The following FGFR4 variants were observed in gnomAD, a reference collection of about 807,000 sequenced individuals.
The protein encoded by FGFR4 is fibroblast growth factor receptor 4.
In FGFR4, 63 loss-of-function variants were observed where a neutral mutation model predicts 89.9. The ratio of observed to expected loss-of-function variants is 0.70; its 90% CI spans 0.57 to 0.86. FGFR4 has a LOEUF of 0.86. FGFR4 is among the 40% of genes least tolerant of loss of function. The pLI is 0.00. For synonymous variants in FGFR4, 486 were observed against 479.4 expected, an observed-to-expected ratio of 1.01 and a Z score of -0.18; for missense variants, 928 against 1,106.7, an observed-to-expected ratio of 0.84 and a Z score of 2.29.
chr5:177,096,905 T>TCCTCCTCCTCCTCCTCCTCCTCCTCCTCC (rs1784597476), intron 16 of FGFR4, among the ~76,000 whole-genome samples, 164 bp downstream of exon 16: 1 of 15,488 alleles, frequency 6.5e-5, no homozygotes, highest in African/African-American at 2.7e-4. Context: ...CCTCCTCCTC[T>TCCTCCTCCTCCTCCTCCTCCTCCTCCTCC]TCCTCCTCCT....
chr5:177,091,284 G>T (rs1232013051), intron 5 of FGFR4, among the ~76,000 whole-genome samples, 180 bp downstream of exon 5: 2 of 152,232 alleles, frequency 1.3e-5, no homozygotes, highest in Non-Finnish European at 2.9e-5. Context: ...TCTCTGGCAA[G>T]TGACTTAACC....
At position 177,090,532 on chromosome 5, in the gene FGFR4, T is replaced by A; in HGVS notation, c.234T>A (p.Arg78=). The change falls in exon 3 of 18, where the codon CGT becomes CGA. Residue 78 remains arginine, a synonymous_variant. Transcript: ENST00000292408. ...KEGSRLAPAG[R]VRGWRGRLEI... is the part of the protein sequence containing the mutation. ...GCAGTCGCCTGGCACCTGCTGGCCG[T>A]GTACGGGGCTGGAGGGGCCGCCTAG... is the stretch of plus-strand genomic sequence containing the variant. 1 of 1,552,372 alleles carries A rather than the reference T, an allele frequency of 6.4e-7. No individual in the cohort carries two copies. Among genetic ancestry groups the A allele is most frequent in the South Asian group, 1.3e-5 (1 of 79,854 alleles).
intron 1 of FGFR4, among the ~76,000 whole-genome samples, chr5:177,089,338 C>A (rs965100673): frequency 5.3e-5 from 8 of 152,152 alleles, no homozygotes; most frequent in African/African-American, 1.9e-4. Context: ...GAGCAGGAAG[C>A]CCAGCCCAGA....
rs200835456 is a variant in FGFR4, at chr5:177,093,568, G to A, written c.1397+17G>A. On this transcript the variant is annotated intron_variant, in intron 10 of 17. Coordinates refer to ENST00000292408, the MANE Select transcript of FGFR4 (RefSeq NM_213647.3). This position sits in a 1 kb window ranked among gnomAD's most constrained non-coding sequence, Gnocchi z 5.8. ...CCGGGACAGGTGCGCTGAGCTGTGT[G>A]GGGGCAGGGACGCGGGCGCCGGGTT... 2.5e-6 allele frequency: 4 copies of A among 1,612,548 alleles called. No individual in the cohort carries two copies. Among genetic ancestry groups the A allele is most frequent in the African/African-American group, 2.7e-5 (2 of 74,918 alleles).
Position 177,092,694 on chromosome 5 carries a change from G to T in FGFR4, c.967G>T (p.Val323Leu). Reference sequence around the variant, plus strand: ...GGTGGAGGTCCTGTACCTGCGGAACGTGTCAGCCGAGGACGCAGGCGAGTA... The same window carrying T: ...GGTGGAGGTCCTGTACCTGCGGAACTTGTCAGCCGAGGACGCAGGCGAGTA... ...SEVEVLYLRN[V>L]SAEDAGEYTC... Residue 323 changes from valine to leucine, a missense_variant, in exon 8 of 18, where the codon GTG (valine) becomes TTG (leucine). By Grantham distance (32) the Val-to-Leu change is conservative (BLOSUM62 1). Transcript: ENST00000292408. The T allele has an allele frequency of 1.2e-6, 2 of 1,613,994 alleles. No homozygotes were observed.
intron 1 of FGFR4, among the ~76,000 whole-genome samples, chr5:177,088,812 C>G (rs1003074764): frequency 1.3e-5 from 2 of 151,656 alleles, no homozygotes; most frequent in African/African-American, 4.8e-5. Flanking sequence ...TTCCAACACT[C>G]TGCGTGCCGA....
chr5:177,092,492 C>T lies in FGFR4; in HGVS notation c.899C>T (p.Pro300Leu). ...NGSSFGADGF[P>L]YVQVLKTADI... is the part of the protein sequence containing the mutation. Reference sequence around the variant, plus strand: ...AGCAGCTTCGGAGCCGACGGTTTCCCCTATGTGCAAGTCCTAAAGGTAAAA... The same window carrying T: ...AGCAGCTTCGGAGCCGACGGTTTCCTCTATGTGCAAGTCCTAAAGGTAAAA... The change falls in exon 7 of 18, where the codon CCC (proline) becomes CTC (leucine). Residue 300 changes from proline to leucine, a missense_variant. This residue lies in a region of FGFR4 where 741 missense variants were observed against 836.9 expected (regional missense o/e 0.89). Coordinates refer to ENST00000292408, the MANE Select transcript of FGFR4 (RefSeq NM_213647.3). 4 of 1,589,868 alleles carry T rather than the reference C, an allele frequency of 2.5e-6. No homozygotes were observed. The highest frequency in any genetic ancestry group is 2.6e-6 in the Non-Finnish European group (3 of 1,167,618).
chr5:177,092,188 C>T, intron 6 of FGFR4, 133 bp from the exon 7 acceptor site: 1 of 932,730 alleles, frequency 1.1e-6, no homozygotes, highest in East Asian at 2.7e-5. Context: ...AAGGTTTAAG[C>T]AGGGTAAGCA....
chr5:177,097,665 G>A lies in FGFR4; in HGVS notation c.2398G>A (p.Val800Met). The change falls in exon 18 of 18, where the codon GTG (valine) becomes ATG (methionine). Residue 800 changes from valine to methionine, a missense_variant. Val to Met is a conservative substitution (Grantham distance 21). Coordinates refer to ENST00000292408, the MANE Select transcript of FGFR4 (RefSeq NM_213647.3). ...CAGCTCCTTCCCCTTCGGGTCTGGG[G>A]TGCAGACATGAGCAAGGCTCAAGGC... is the stretch of plus-strand genomic sequence containing the variant. ...GSSSFPFGSG[V>M]QT 2 of 1,613,810 alleles carry A rather than the reference G, an allele frequency of 1.2e-6. No homozygotes were observed. Among genetic ancestry groups the A allele is most frequent in the Non-Finnish European group, 1.7e-6 (2 of 1,179,792 alleles).
At chr5:177,089,885 G>A (rs1378299045) in intron 2 of FGFR4, 192 bp downstream of exon 2, 22 of 811,162 alleles carry the variant, frequency 2.7e-5, no homozygotes, top group Non-Finnish European at 4.5e-5. Context: ...CTGTGTCTGC[G>A]AGAGAGGACT....
chr5:177,089,953 C>A (rs117734148), intron 2 of FGFR4: 2 of 686,158 alleles, frequency 2.9e-6, no homozygotes, highest in Middle Eastern at 2.4e-4. Context: ...GAGCTCCTTA[C>A]CTGGGTGTGT....
At chr5:177,089,921 G>A in intron 2 of FGFR4, 2 of 718,872 alleles carry the variant, frequency 2.8e-6, no homozygotes. Context: ...AGGGCCCTAA[G>A]CTGGGCTGCA....
Position 177,095,975 on chromosome 5 carries a change from T to C in FGFR4, c.1822-82T>C. 1 of 1,530,010 alleles carries C rather than the reference T, an allele frequency of 6.5e-7. No homozygotes were observed. Among genetic ancestry groups the C allele is most frequent in the East Asian group, 2.3e-5 (1 of 43,288 alleles). The allele number at this position is 1,530,010 out of a possible 1,614,324, so 94.8% of individuals were successfully genotyped here. A position where few individuals can be genotyped will look rare whatever the true frequency, so the allele number is the denominator to read the frequency against. On this transcript the variant is annotated intron_variant, in intron 13 of 17. Coordinates refer to ENST00000292408, the MANE Select transcript of FGFR4 (RefSeq NM_213647.3). The surrounding 1 kb of genome is among the most constrained non-coding windows in gnomAD (Gnocchi z 5.7). ...CTCTGTAAAGTGGGTGGAGGGCCCC[T>C]GCCCCCGGGCCTGCTGGGGGGTGGT...
At position 177,087,496 on chromosome 5, in the gene FGFR4, C is replaced by A. The variant is rs540082407; in HGVS notation, c.-54+419C>A. The A allele has an allele frequency of 4.5e-5, 38 of 837,000 alleles. No homozygotes were observed. Among genetic ancestry groups the A allele is most frequent in the Middle Eastern group, 6.0e-4 (1 of 1,668 alleles). The allele number at this position is 837,000 out of a possible 1,614,324, so 51.8% of individuals were successfully genotyped here. A position where few individuals can be genotyped will look rare whatever the true frequency, so the allele number is the denominator to read the frequency against. ...ACTTAGTGCCCGGGGGCCTCCAGCG[C>A]GAGTGCGGGAGGCTGAAGGAGAACC... On this transcript the variant is annotated intron_variant, in intron 1 of 17. Coordinates refer to ENST00000292408, the MANE Select transcript of FGFR4 (RefSeq NM_213647.3). The surrounding 1 kb of genome is among the most constrained non-coding windows in gnomAD (Gnocchi z 6.1).
In FGFR4 at chr5:177,093,268, C is replaced by T. The variant is rs764942612; in HGVS notation, c.1188C>T (p.His396=). The change falls in exon 9 of 18, where the codon CAC becomes CAT. Residue 396 remains histidine (H), a synonymous_variant. Coordinates refer to ENST00000292408, the MANE Select transcript of FGFR4 (RefSeq NM_213647.3). The surrounding 1 kb of genome is among the most constrained non-coding windows in gnomAD (Gnocchi z 5.8). ...GGCTGTATCGAGGGCAGGCGCTCCA[C>T]GGCCGGCACCCCCGCCCGCCCGCCA... The part of the protein sequence containing the change: ...LAGLYRGQAL[H]GRHPRPPATV... 8.9e-5 allele frequency: 144 copies of T among 1,612,774 alleles called. No homozygotes were observed. The highest frequency in any genetic ancestry group is 1.2e-4 in the Non-Finnish European group (136 of 1,179,474).
rs1375097850 is a variant in FGFR4 at position 177,097,316 on chromosome 5, G to A, written c.2178G>A (p.Trp726Ter). ...PELYGLMREC[W>*]HAAPSQRPTF... is the part of the protein sequence containing the mutation. ...GGTACGGGCTGATGCGTGAGTGCTG[G>A]CACGCAGCGCCCTCCCAGAGGCCTA... The change falls in exon 17 of 18, where the codon TGG (tryptophan) becomes TGA (stop). Residue 726 changes from tryptophan (W) to a stop codon, truncating the protein, a stop_gained. Transcript: ENST00000292408. LOFTEE classifies it high-confidence loss of function. The A allele has an allele frequency of 1.2e-6, 2 of 1,608,896 alleles. No individual in the cohort carries two copies. The highest frequency in any genetic ancestry group is 1.7e-6 in the Non-Finnish European group (2 of 1,178,268).
At position 177,091,070 on chromosome 5, in the gene FGFR4, C is replaced by A. The variant is rs751043027; in HGVS notation, c.569C>A (p.Ala190Asp). The A allele has an allele frequency of 1.3e-5, 20 of 1,597,756 alleles. No individual in the cohort carries two copies. The highest frequency in any genetic ancestry group is 7.7e-5 in the South Asian group (7 of 90,474). ...PTIRWLKDGQAFHGENRIGGI... is the reference protein window; with the variant it reads ...PTIRWLKDGQDFHGENRIGGI... Reference sequence around the variant, plus strand: ...ATCCGCTGGCTTAAGGATGGACAGGCCTTTCATGGGGAGAACCGCATTGGA... The same window carrying A: ...ATCCGCTGGCTTAAGGATGGACAGGACTTTCATGGGGAGAACCGCATTGGA... Residue 190 changes from alanine to aspartate, a missense_variant, in exon 5 of 18, where the codon GCC becomes GAC. By Grantham distance (126) the Ala-to-Asp change is moderately radical. Around this residue, in one of 5 missense-constraint regions of FGFR4, gnomAD observed 741 missense variants for 836.9 expected, o/e 0.89. Coordinates refer to ENST00000292408, the MANE Select transcript of FGFR4 (RefSeq NM_213647.3).
chr5:177,095,713 A>T lies in FGFR4; in HGVS notation c.1811A>T (p.Glu604Val). ...GTGGCCCGAGGCATGCAGTATCTGG[A>T]GTCCCGGAAGGTACAGGCGCTAGGG... is the stretch of plus-strand genomic sequence containing the variant. The part of the protein sequence containing the change: ...YQVARGMQYL[E>V]SRKCIHRDLA... Residue 604 changes from glutamate to valine, a missense_variant, in exon 13 of 18, where the codon GAG (glutamate) becomes GTG (valine). Glu to Val is a moderately radical substitution (Grantham distance 121). Coordinates refer to ENST00000292408, the MANE Select transcript of FGFR4 (RefSeq NM_213647.3). The surrounding 1 kb of genome is among the most constrained non-coding windows in gnomAD (Gnocchi z 5.7). The T allele has an allele frequency of 6.2e-7, 1 of 1,605,136 alleles. No homozygotes were observed. Among genetic ancestry groups the T allele is most frequent in the Non-Finnish European group, 8.5e-7 (1 of 1,177,280 alleles).
In FGFR4 at chr5:177,089,697, T is replaced by C. The variant is rs775652865; in HGVS notation, c.91+4T>C. On this transcript the variant is annotated splice_donor_region_variant and intron_variant, in intron 2 of 17. Transcript: ENST00000292408. ...GCCTCTGAGGAAGTGGAGCTTGGTA[T>C]GGCTTCTGAGGTGGGAGAGGGTGGC... 6.2e-7 allele frequency: 1 copy of C among 1,613,434 alleles called. No homozygotes were observed. The highest frequency in any genetic ancestry group is 1.7e-5 in the Admixed American group (1 of 59,914).
Sources: gnomAD v4.1 joint callset for allele counts (sites outside exome capture counted in the v4.1 genomes callset) on GRCh38, gnomAD v4.1.1 for gene constraint, gnomAD v4.1.1 regional missense constraint, Gnocchi (gnomAD v3.1) non-coding constraint, MANE v1.5 for transcripts, NCBI Gene and HGNC (gene_info 2026-07-23, HGNC 2026-07-21) for gene names.